IL1RAPL1: variants seen among roughly 807,000 people sequenced by gnomAD.
The protein encoded by IL1RAPL1 is interleukin 1 receptor accessory protein like 1, also known as interleukin-1 receptor accessory protein-like 1.
A neutral mutation model predicts 48.4 loss-of-function variants in IL1RAPL1; 3 were observed. That is an observed-to-expected ratio of 0.06 (90% CI 0.03 to 0.16). The LOEUF is 0.16. Ranked by LOEUF, IL1RAPL1 falls within the 10% of genes least tolerant of loss-of-function variation. The pLI, the probability that IL1RAPL1 is intolerant of heterozygous loss-of-function variation, is 1.00. For synonymous variants in IL1RAPL1, 185 were observed against 187.7 expected (o/e 0.99, Z 0.12); for missense variants, 349 against 530.6 (o/e 0.66, Z 3.36).
intron 2 of IL1RAPL1, among the ~76,000 whole-genome samples, chrX:29,065,576 A>G (rs1602039694): frequency 9.0e-6 from 1 of 111,041 alleles, no homozygotes; most frequent in South Asian, 3.7e-4. Context: ...TTTTTCATCA[A>G]ATTTGAAAAG....
intron 1 of IL1RAPL1, among the ~76,000 whole-genome samples, chrX:28,729,267 A>C (rs1935723984): frequency 9.0e-6 from 1 of 111,595 alleles, no homozygotes. Flanking sequence ...TAGCCAAGGG[A>C]GTGCCAGTTA....
rs191566095 is a variant in IL1RAPL1, at chrX:29,201,437, C to G, written c.83-81501C>G. On this transcript the variant is annotated intron_variant, in intron 2 of 10. Coordinates refer to ENST00000378993, the MANE Select transcript of IL1RAPL1 (RefSeq NM_014271.4). Reference sequence around the variant, plus strand: ...GTAACACATTTAAAAAAAAATATGACGTTGTCTCTGTTTTTTAACTAAAGG... The same window carrying G: ...GTAACACATTTAAAAAAAAATATGAGGTTGTCTCTGTTTTTTAACTAAAGG... Among the ~76,000 whole-genome samples, 68 of 110,864 alleles carry G rather than the reference C, an allele frequency of 6.1e-4. 1 individual carries two copies. Among genetic ancestry groups the G allele is most frequent in the Admixed American group, 5.7e-3 (59 of 10,374 alleles).
chrX:29,851,084 T>A (rs1931357928), intron 6 of IL1RAPL1, among the ~76,000 whole-genome samples: 1 of 111,884 alleles, frequency 8.9e-6, no homozygotes, highest in South Asian at 3.8e-4. Context: ...TTTTGATTCG[T>A]TTCTAATGGA....
chrX:28,589,112 T>C (rs1387510056), intron 1 of IL1RAPL1, among the ~76,000 whole-genome samples: 1 of 111,802 alleles, frequency 8.9e-6, no homozygotes, highest in African/African-American at 3.3e-5. Context: ...ATGCTAAAGT[T>C]CCATATTCAG....
chrX:29,448,058 T>A (rs1934632764), intron 5 of IL1RAPL1, among the ~76,000 whole-genome samples: 1 of 112,053 alleles, frequency 8.9e-6, no homozygotes, highest in African/African-American at 3.2e-5. Flanking sequence ...GAAGCCAAGA[T>A]TCCCTGAAGT....
chrX:29,910,510 G>T (rs770980225), intron 6 of IL1RAPL1, among the ~76,000 whole-genome samples: 15 of 111,315 alleles, frequency 1.3e-4, no homozygotes, highest in Non-Finnish European at 2.4e-4. Flanking sequence ...AATATTTTCA[G>T]TATTTCTTAA....
chrX:28,729,899 G>T (rs773856633), intron 1 of IL1RAPL1, among the ~76,000 whole-genome samples: 1 of 111,195 alleles, frequency 9.0e-6, no homozygotes, highest in Admixed American at 9.7e-5. Flanking sequence ...TGGAGGCTGA[G>T]GCAGGAGAAT....
chrX:29,912,374 G>A (rs1011211752), intron 6 of IL1RAPL1, among the ~76,000 whole-genome samples: 4 of 112,023 alleles, frequency 3.6e-5, no homozygotes, highest in South Asian at 3.7e-4. Flanking sequence ...TTGAGATTAT[G>A]TATTGAGTTC....
chrX:29,583,434 A>G lies in IL1RAPL1; in HGVS notation c.704-84996A>G, dbSNP rs1400725978. 2.7e-3 allele frequency among the ~76,000 whole-genome samples: 63 copies of G among 23,162 alleles called. 1 individual carries two copies. The highest frequency in any genetic ancestry group is 0.011 in the African/African-American group (57 of 5,339). 20.1% of individuals were successfully genotyped at this position (23,162 alleles called of 115,157 possible). A position where few individuals can be genotyped will look rare whatever the true frequency, so the allele number is the denominator to read the frequency against. On this transcript the variant is annotated intron_variant, in intron 5 of 10. Coordinates refer to ENST00000378993, the MANE Select transcript of IL1RAPL1 (RefSeq NM_014271.4). ...TCTTATACACCAACAACAGACAAACAGAGAGCCAAATCATGAGTGAACTCC... is the reference window on the plus strand; with the variant it reads ...TCTTATACACCAACAACAGACAAACGGAGAGCCAAATCATGAGTGAACTCC...
chrX:29,669,704 C>T (rs967775277), intron 6 of IL1RAPL1, among the ~76,000 whole-genome samples: 8 of 111,293 alleles, frequency 7.2e-5, no homozygotes, highest in African/African-American at 1.3e-4. Flanking sequence ...TTCTTTGATT[C>T]AAGCCTTTTG....
chrX:29,483,755 G>A (rs1053215285), intron 5 of IL1RAPL1, among the ~76,000 whole-genome samples: 2 of 108,491 alleles, frequency 1.8e-5, no homozygotes, highest in East Asian at 2.9e-4. Flanking sequence ...GCAGTGGCAC[G>A]ATCTCAGCTC....
intron 6 of IL1RAPL1, among the ~76,000 whole-genome samples, chrX:29,760,687 C>T (rs747801244): frequency 9.0e-5 from 10 of 110,851 alleles, no homozygotes; most frequent in African/African-American, 3.3e-4. Context: ...ATACTGGGCA[C>T]CTGGACAGTC....
chrX:28,847,469 A>G (rs758472573), intron 2 of IL1RAPL1, among the ~76,000 whole-genome samples: 3 of 111,114 alleles, frequency 2.7e-5, no homozygotes, highest in Non-Finnish European at 5.7e-5. Flanking sequence ...ATGGTCTTTT[A>G]TCTCTCTCAG....
chrX:29,700,483 T>C (rs1927021655), intron 6 of IL1RAPL1, among the ~76,000 whole-genome samples: 1 of 112,234 alleles, frequency 8.9e-6, no homozygotes, highest in African/African-American at 3.2e-5. Context: ...TGTTTCATTA[T>C]GTAATCAATG....
intron 5 of IL1RAPL1, among the ~76,000 whole-genome samples, chrX:29,557,504 G>A (rs945095679): frequency 6.3e-5 from 7 of 111,883 alleles, no homozygotes; most frequent in African/African-American, 1.9e-4. Flanking sequence ...TTACATAGTA[G>A]CCATATTTTG....
At chrX:28,834,342 T>C (rs1280143951) in intron 2 of IL1RAPL1, among the ~76,000 whole-genome samples, 1 of 111,798 alleles carries the variant, frequency 8.9e-6, no homozygotes, top group Non-Finnish European at 1.9e-5. Flanking sequence ...TTTTCATTTT[T>C]ATTTCTTTAT....
chrX:29,265,061 C>T (rs1032687567), intron 2 of IL1RAPL1, among the ~76,000 whole-genome samples: 8 of 110,748 alleles, frequency 7.2e-5, no homozygotes, highest in African/African-American at 9.8e-5. Flanking sequence ...TGCAGGCATA[C>T]GCCACGACAC....
chrX:29,940,634 T>C (rs1933111804), intron 8 of IL1RAPL1, among the ~76,000 whole-genome samples: 2 of 112,061 alleles, frequency 1.8e-5, no homozygotes, highest in African/African-American at 6.5e-5. Context: ...CAAAAATCTA[T>C]GCATGATGGC....
intron 2 of IL1RAPL1, among the ~76,000 whole-genome samples, chrX:29,265,919 C>T (rs1326705454): frequency 9.1e-6 from 1 of 110,149 alleles, no homozygotes; most frequent in Non-Finnish European, 1.9e-5. Context: ...CAATGAGATA[C>T]TATCTCACAC....
Sources: gnomAD v4.1 joint callset for allele counts (sites outside exome capture counted in the v4.1 genomes callset) on GRCh38, gnomAD v4.1.1 for gene constraint, MANE v1.5 for transcripts, NCBI Gene and HGNC (gene_info 2026-07-23, HGNC 2026-07-21) for gene names.